The following STAG1 variants were observed in gnomAD, a reference collection of about 807,000 sequenced individuals.
The protein encoded by STAG1 is STAG1 cohesin complex component, also known as cohesin subunit SA-1.
A neutral mutation model predicts 170.9 loss-of-function variants in STAG1; 26 were observed. The ratio of observed to expected loss-of-function variants is 0.15; its 90% confidence interval spans 0.11 to 0.21. STAG1 has a LOEUF of 0.21. Among genes scored for constraint, STAG1 ranks in the 10% least tolerant of loss-of-function variants. The probability of loss-of-function intolerance (pLI) is 1.00; values close to 1 mark genes in which losing one functional copy is unlikely to be tolerated. For missense variants in STAG1, 964 were observed against 1,509.5 expected (o/e 0.64, Z 5.99); for synonymous variants, 514 against 497.7 (o/e 1.03, Z -0.44).
At chr3:136,478,084 C>A (rs1410303955) in intron 9 of STAG1, among the ~76,000 whole-genome samples, 1 of 152,170 alleles carries the variant, frequency 6.6e-6, no homozygotes, top group Non-Finnish European at 1.5e-5. Context: ...GCCACTGTGA[C>A]CGGCCAGAAC....
At chr3:136,574,838 AAACTT>A (rs1361478627) in intron 4 of STAG1, among the ~76,000 whole-genome samples, 2 of 152,202 alleles carry the variant, frequency 1.3e-5, no homozygotes, top group Non-Finnish European at 2.9e-5. Context: ...CTAATACATA[AAACTT>A]AACACCAACA....
At chr3:136,724,218 A>C (rs1476163383) in intron 1 of STAG1, among the ~76,000 whole-genome samples, 6 of 151,740 alleles carry the variant, frequency 4.0e-5, no homozygotes, top group Non-Finnish European at 5.9e-5. Context: ...TCTGTGTAGA[A>C]AGAGGTAGAC....
intron 28 of STAG1, among the ~76,000 whole-genome samples, chr3:136,357,149 C>T (rs892847069): frequency 1.3e-5 from 2 of 151,892 alleles, no homozygotes; most frequent in African/African-American, 4.8e-5. Context: ...GGGGTTTCAC[C>T]GTGTTAGCCA....
In STAG1 at chr3:136,661,250, G is replaced by C. The variant is rs1282784070; in HGVS notation, c.-83-30269C>G. 2.0e-5 allele frequency among the ~76,000 whole-genome samples: 3 copies of C among 152,216 alleles called. No homozygotes were observed. In the East Asian group the frequency reaches 5.8e-4, roughly 29 times the overall value. Reference sequence around the variant, plus strand: ...AATATTATTCCACCTCTAGATGGTAGAAAATATAGTACATTTCTATCAATA... The same window carrying C: ...AATATTATTCCACCTCTAGATGGTACAAAATATAGTACATTTCTATCAATA... On this transcript the variant is annotated intron_variant, in intron 1 of 33. Coordinates refer to ENST00000383202, the MANE Select transcript of STAG1 (RefSeq NM_005862.3).
chr3:136,357,917 C>G, intron 27 of STAG1, 69 bp from the exon 28 acceptor site: 2 of 1,323,328 alleles, frequency 1.5e-6, no homozygotes, highest in Non-Finnish European at 2.1e-6. Flanking sequence ...TAACATTACA[C>G]AAATATTTGT....
rs565428884 is a variant in STAG1 at position 136,492,485 on chromosome 3, G to A, written c.902+7738C>T. Among the ~76,000 whole-genome samples, 10 of 152,268 alleles carry A rather than the reference G, an allele frequency of 6.6e-5. No homozygotes were observed. The South Asian group carries it at 1.5e-3, about 22-fold the overall frequency. The stretch of plus-strand genomic sequence containing the variant: ...TCTGAATTCAAGACTGCATGACGGA[G>A]CCAAGATGGACAGAATTTATGCTCT... On this transcript the variant is annotated intron_variant, in intron 9 of 33. Coordinates refer to ENST00000383202, the MANE Select transcript of STAG1 (RefSeq NM_005862.3).
In STAG1 at chr3:136,712,282, C is replaced by T. The variant is rs558202037; in HGVS notation, c.-84+39913G>A. 1.6e-4 allele frequency among the ~76,000 whole-genome samples: 25 copies of T among 152,274 alleles called. No individual in the cohort carries two copies. The South Asian group carries it at 1.7e-3, about 10-fold the overall frequency. On this transcript the variant is annotated intron_variant, in intron 1 of 33. Coordinates refer to ENST00000383202, the MANE Select transcript of STAG1 (RefSeq NM_005862.3). The stretch of plus-strand genomic sequence containing the variant: ...CCAACTGCCTCGGCCTCCAAAAGTG[C>T]TGGGATTACAGGTGTGAGCCACCGC...
At position 136,688,427 on chromosome 3, in the gene STAG1, TCTCA is replaced by T. The variant is rs556933430; in HGVS notation, c.-83-57450_-83-57447del. 3.7e-3 allele frequency among the ~76,000 whole-genome samples: 568 copies of T among 152,184 alleles called. 2 individuals are homozygous for T. Among genetic ancestry groups the T allele is most frequent in the African/African-American group, 0.013 (537 of 41,516 alleles). Reference sequence around the variant, plus strand: ...TTTTTTTTCTTTTTTTGAGACAGAATCTCACTCTGTTGCCAAGGCTGCAGTGCAG... The same window carrying T: ...TTTTTTTTCTTTTTTTGAGACAGAATCTCTGTTGCCAAGGCTGCAGTGCAG... On this transcript the variant is annotated intron_variant, in intron 1 of 33. Coordinates refer to ENST00000383202, the MANE Select transcript of STAG1 (RefSeq NM_005862.3).
Position 136,472,037 on chromosome 3 carries a change from C to A in STAG1, c.1205+376G>T, listed in dbSNP as rs184521309. Reference sequence around the variant, plus strand: ...ATCATTTGTAGAGACAGGGTCTCCCCTTTTGCCCAGGCTGGTCTTGAACCC... The same window carrying A: ...ATCATTTGTAGAGACAGGGTCTCCCATTTTGCCCAGGCTGGTCTTGAACCC... On this transcript the variant is annotated intron_variant, in intron 12 of 33. Coordinates refer to ENST00000383202, the MANE Select transcript of STAG1 (RefSeq NM_005862.3). Among the ~76,000 whole-genome samples the A allele has an allele frequency of 1.8e-3, 280 of 152,172 alleles. 1 individual carries two copies. The highest frequency in any genetic ancestry group is 3.3e-3 in the Non-Finnish European group (224 of 68,002).
intron 1 of STAG1, among the ~76,000 whole-genome samples, chr3:136,713,630 G>A (rs1943444020): frequency 6.6e-6 from 1 of 151,656 alleles, no homozygotes; most frequent in South Asian, 2.1e-4. Flanking sequence ...ACTAGCATTT[G>A]TAATCCCAAC....
intron 10 of STAG1, among the ~76,000 whole-genome samples, chr3:136,476,157 C>T (rs1264345999): frequency 6.6e-6 from 1 of 152,182 alleles, no homozygotes; most frequent in African/African-American, 2.4e-5. Flanking sequence ...CCATCCTTTG[C>T]TGAAAGACTA....
chr3:136,378,709 A>C (rs1261221809), intron 22 of STAG1, among the ~76,000 whole-genome samples: 1 of 152,138 alleles, frequency 6.6e-6, no homozygotes, highest in Non-Finnish European at 1.5e-5. Flanking sequence ...CCCACCAGGC[A>C]CTGGTTTAAG....
At position 136,647,518 on chromosome 3, in the gene STAG1, G is replaced by A. The variant is rs184251516; in HGVS notation, c.-83-16537C>T. On this transcript the variant is annotated intron_variant, in intron 1 of 33. Coordinates refer to ENST00000383202, the MANE Select transcript of STAG1 (RefSeq NM_005862.3). The stretch of plus-strand genomic sequence containing the variant: ...CGGGAGGCAGAGGTTGCTGTGAGCC[G>A]AGATCGTGCCATTGCACTCCAGCCT... Among the ~76,000 whole-genome samples, 494 of 152,148 alleles carry A rather than the reference G, an allele frequency of 3.2e-3. 7 individuals are homozygous for A. The East Asian group carries it at 0.046, about 14-fold the overall frequency.
intron 23 of STAG1, among the ~76,000 whole-genome samples, chr3:136,376,009 TAATTAACA>T (rs1937586880): frequency 3.1e-5 from 1 of 32,296 alleles, no homozygotes; most frequent in South Asian, 1.4e-3. Context: ...AATAAATAAA[TAATTAACA>T]AAATAAAATA....
At chr3:136,484,033 C>T (rs1402305316) in intron 9 of STAG1, among the ~76,000 whole-genome samples, 3 of 102,140 alleles carry the variant, frequency 2.9e-5, no homozygotes, top group Non-Finnish European at 5.9e-5. Flanking sequence ...AATGTCCTCC[C>T]GTAGCTCAGA....
intron 28 of STAG1, among the ~76,000 whole-genome samples, chr3:136,353,147 CAAG>C (rs1489864145): frequency 6.6e-6 from 1 of 151,800 alleles, no homozygotes; most frequent in Non-Finnish European, 1.5e-5. Flanking sequence ...GACGATATAT[CAAG>C]AAGTTATGCC....
At chr3:136,589,595 C>T (rs1938041795) in intron 4 of STAG1, among the ~76,000 whole-genome samples, 1 of 148,744 alleles carries the variant, frequency 6.7e-6, no homozygotes, top group African/African-American at 2.5e-5. Context: ...CAAGATCGTG[C>T]CACTGCACTC....
chr3:136,425,501 T>G (rs1008581079), intron 16 of STAG1, among the ~76,000 whole-genome samples: 1 of 152,104 alleles, frequency 6.6e-6, no homozygotes, highest in Non-Finnish European at 1.5e-5. Flanking sequence ...GAGAAAGTTA[T>G]ATAAATAAGA....
At chr3:136,580,125 G>A (rs968461883) in intron 4 of STAG1, among the ~76,000 whole-genome samples, 4 of 151,618 alleles carry the variant, frequency 2.6e-5, no homozygotes, top group Non-Finnish European at 2.9e-5. Context: ...GCACCACCAC[G>A]CACAGCTAAT....
Sources: gnomAD v4.1 joint callset for allele counts (sites outside exome capture counted in the v4.1 genomes callset) on GRCh38, gnomAD v4.1.1 for gene constraint, MANE v1.5 for transcripts, NCBI Gene and HGNC (gene_info 2026-07-23, HGNC 2026-07-21) for gene names.